The following FOCAD variants were observed in gnomAD, a reference collection of about 807,000 sequenced individuals.
FOCAD encodes focadhesin.
Under a neutral mutation model 225.6 loss-of-function variants are expected in FOCAD, and 198 were observed. That is an observed-to-expected ratio of 0.88 (90% CI 0.78 to 0.99). The LOEUF is 0.99. FOCAD is among the 50% of genes least tolerant of loss of function. FOCAD has a pLI of 0.00. For missense variants in FOCAD, 2,713 were observed against 2,123.6 expected (o/e 1.28, Z -5.46); for synonymous variants, 897 against 755.0 (o/e 1.19, Z -3.08).
At chr9:20,917,157 T>C (rs1418340540) in intron 24 of FOCAD, among the ~76,000 whole-genome samples, 5 of 152,206 alleles carry the variant, frequency 3.3e-5, no homozygotes, top group African/African-American at 1.2e-4. Flanking sequence ...AACATATAAC[T>C]TTTACATCAG....
chr9:20,949,632 A>T lies in FOCAD; in HGVS notation c.3905A>T (p.His1302Leu). The T allele has an allele frequency of 6.2e-7, 1 of 1,613,236 alleles. No homozygotes were observed. The highest frequency in any genetic ancestry group is 8.5e-7 in the Non-Finnish European group (1 of 1,179,404). Residue 1302 changes from histidine to leucine, a missense_variant, in exon 33 of 44, where the codon CAT (histidine) becomes CTT (leucine). Coordinates refer to ENST00000338382, the MANE Select transcript of FOCAD (RefSeq NM_001375567.1). ...QLKSEAIQTS[H>L]FQGRLNEVIR... ...AAATCAGAAGCCATCCAGACCTCTC[A>T]TTTTCAAGGCAGACTTAATGAAGTC...
chr9:20,960,281 C>G (rs1838581636), intron 35 of FOCAD, among the ~76,000 whole-genome samples: 1 of 152,176 alleles, frequency 6.6e-6, no homozygotes, highest in Non-Finnish European at 1.5e-5. Flanking sequence ...TAGAGTATGA[C>G]AGACGTGGAG....
chr9:20,885,066 T>C (rs753508064), intron 20 of FOCAD, 43 bp from the exon 21 acceptor site: 25 of 1,176,692 alleles, frequency 2.1e-5, no homozygotes, highest in Admixed American at 3.7e-5. Context: ...CTTAAAAAAA[T>C]AAAAATAAAA....
chr9:20,691,012 G>A (rs900713154), intron 1 of FOCAD, among the ~76,000 whole-genome samples: 2 of 151,580 alleles, frequency 1.3e-5, no homozygotes, highest in Non-Finnish European at 2.9e-5. Context: ...GCGTGACCTC[G>A]GCTCACTGCA....
At chr9:20,946,990 T>A (rs1837247087) in intron 30 of FOCAD, among the ~76,000 whole-genome samples, 170 bp downstream of exon 30, 1 of 152,198 alleles carries the variant, frequency 6.6e-6, no homozygotes, top group Non-Finnish European at 1.5e-5. Context: ...CACAGATGTC[T>A]TTTTCTCTCC....
chr9:20,713,680 C>A (rs1169391937), intron 1 of FOCAD, among the ~76,000 whole-genome samples: 1 of 152,160 alleles, frequency 6.6e-6, no homozygotes, highest in East Asian at 1.9e-4. Context: ...GTGCTGGACA[C>A]ACAATAGGCA....
At chr9:20,973,708 C>T (rs1286216018) in intron 35 of FOCAD, among the ~76,000 whole-genome samples, 4 of 151,562 alleles carry the variant, frequency 2.6e-5, no homozygotes, top group African/African-American at 9.7e-5. Context: ...GCCCTACTTC[C>T]CTCTTCTTTC....
At chr9:20,826,755 C>G (rs1180421527) in intron 15 of FOCAD, among the ~76,000 whole-genome samples, 2 of 152,102 alleles carry the variant, frequency 1.3e-5, no homozygotes, top group Non-Finnish European at 2.9e-5. Flanking sequence ...AGTCTCAAGA[C>G]TCTTCCCAAG....
chr9:20,806,183 G>C, intron 11 of FOCAD, among the ~76,000 whole-genome samples: 1 of 152,120 alleles, frequency 6.6e-6, no homozygotes, highest in East Asian at 1.9e-4. Flanking sequence ...TCCAAGATTT[G>C]AGCCCTAGTA....
At chr9:20,898,752 A>T (rs967318371) in intron 21 of FOCAD, among the ~76,000 whole-genome samples, 5 of 151,878 alleles carry the variant, frequency 3.3e-5, no homozygotes, top group African/African-American at 1.2e-4. Context: ...TCTTTAAGCT[A>T]TGTATTTTAC....
intron 1 of FOCAD, among the ~76,000 whole-genome samples, chr9:20,693,696 T>C (rs1823120071): frequency 6.7e-6 from 1 of 150,178 alleles, no homozygotes; most frequent in Non-Finnish European, 1.5e-5. Flanking sequence ...CAAGTACTTT[T>C]GCAATCACTA....
At chr9:20,863,969 A>G (rs929418076) in intron 16 of FOCAD, among the ~76,000 whole-genome samples, 2 of 151,714 alleles carry the variant, frequency 1.3e-5, no homozygotes, top group African/African-American at 4.8e-5. Context: ...CAGATTTTAC[A>G]TTCTTTTCCT....
intron 34 of FOCAD, 136 bp downstream of exon 34, chr9:20,951,234 G>A: frequency 1.5e-6 from 1 of 673,820 alleles, no homozygotes; most frequent in Non-Finnish European, 2.6e-6. Context: ...ACGTCAGAGG[G>A]AAATGGTGTA....
rs570782292 is a variant in FOCAD at position 20,710,407 on chromosome 9, C to T, written c.-32-4915C>T. 2.0e-5 allele frequency among the ~76,000 whole-genome samples: 3 copies of T among 151,706 alleles called. No homozygotes were observed. The South Asian group carries it at 6.3e-4, about 32-fold the overall frequency. On this transcript the variant is annotated intron_variant, in intron 1 of 43. Transcript: ENST00000338382. ...GGTCAGGATTTTGAGACCAGCCTCG[C>T]CAACATGGTGAAACCCCTCCTCTAC...
intron 1 of FOCAD, among the ~76,000 whole-genome samples, chr9:20,710,519 C>T (rs1824755909): frequency 6.6e-6 from 1 of 151,788 alleles, no homozygotes; most frequent in East Asian, 1.9e-4. Flanking sequence ...ATTGCTTGAA[C>T]CCAGAGGTGG....
chr9:20,878,951 A>AT (rs1564103989), intron 19 of FOCAD, among the ~76,000 whole-genome samples: 5 of 152,172 alleles, frequency 3.3e-5, no homozygotes, highest in African/African-American at 1.2e-4. Flanking sequence ...CCCAGCTCTC[A>AT]TAGAGAGTTC....
Position 20,866,917 on chromosome 9 carries a change from T to TTTTAAACAAA in FOCAD, c.2107-12_2107-11insTTTAAACAAA. On this transcript the variant is annotated splice_polypyrimidine_tract_variant and intron_variant, in intron 17 of 43. Transcript: ENST00000338382. ...TTTTTTTTTTTTTTTTTTTTTTTTT[T>TTTTAAACAAA]ACCCTATCTAGGACCCAATTGTAGC... 1 of 764,970 alleles carries TTTTAAACAAA rather than the reference T, an allele frequency of 1.3e-6. No individual in the cohort carries two copies. The highest frequency in any genetic ancestry group is 2.0e-6 in the Non-Finnish European group (1 of 498,468). 47.4% of individuals were successfully genotyped at this position (764,970 alleles called of 1,614,324 possible).
At chr9:20,894,747 C>G (rs887925945) in intron 21 of FOCAD, among the ~76,000 whole-genome samples, 4 of 151,946 alleles carry the variant, frequency 2.6e-5, no homozygotes, top group South Asian at 4.2e-4. Context: ...TCAGATCTGC[C>G]TTTTGCAAAT....
chr9:20,827,119 T>C (rs950755250), intron 15 of FOCAD, among the ~76,000 whole-genome samples: 1 of 152,112 alleles, frequency 6.6e-6, no homozygotes, highest in South Asian at 2.1e-4. Flanking sequence ...CAGAGAGTTA[T>C]GCCACCATCA....
Sources: allele counts gnomAD v4.1 joint callset (sites outside exome capture counted in the v4.1 genomes callset), GRCh38; gene constraint gnomAD v4.1.1; transcripts MANE v1.5; gene names NCBI Gene and HGNC (gene_info 2026-07-23, HGNC 2026-07-21).